PDE3A: variants seen among roughly 807,000 people sequenced by gnomAD.
PDE3A encodes the protein phosphodiesterase 3A.
In PDE3A, 43 loss-of-function variants were observed where a neutral mutation model predicts 98.3. The ratio of observed to expected loss-of-function variants is 0.44; its 90% confidence interval spans 0.34 to 0.56. PDE3A has a LOEUF of 0.56. Ranked by LOEUF, PDE3A falls within the 20% of genes least tolerant of loss-of-function variation. The pLI, the probability that PDE3A is intolerant of heterozygous loss-of-function variation, is 0.01. For synonymous variants in PDE3A, 663 were observed against 567.9 expected (o/e 1.17, Z -2.38); for missense variants, 1,427 against 1,440.7 (o/e 0.99, Z 0.15).
rs557464057 is a variant in PDE3A, at chr12:20,670,541, A to T, written c.3185-9489A>T. Among the ~76,000 whole-genome samples, 335 of 152,320 alleles carry T rather than the reference A, an allele frequency of 2.2e-3. 1 individual carries two copies. Among genetic ancestry groups the T allele is most frequent in the African/African-American group, 7.5e-3 (313 of 41,558 alleles). On this transcript the variant is annotated intron_variant, in intron 15 of 15. Coordinates refer to ENST00000359062, the MANE Select transcript of PDE3A (RefSeq NM_000921.5). ...ATCCAGCTAGAACTCAGGATTAAGA[A>T]TCTCACTCAAAACTGCTCAACTGCA...
chr12:20,651,434 A>G (rs991833227), intron 14 of PDE3A, among the ~76,000 whole-genome samples: 2 of 152,244 alleles, frequency 1.3e-5, no homozygotes, highest in Non-Finnish European at 2.9e-5. Context: ...AAAGAGTGAC[A>G]TACTAATTTA....
At chr12:20,479,733 G>T (rs538229777) in intron 1 of PDE3A, among the ~76,000 whole-genome samples, 1 of 152,182 alleles carries the variant, frequency 6.6e-6, no homozygotes, top group African/African-American at 2.4e-5. Context: ...TGGGCAAGAG[G>T]CTTCTGCAGC....
chr12:20,435,257 A>G (rs1944760777), intron 1 of PDE3A, among the ~76,000 whole-genome samples: 1 of 152,146 alleles, frequency 6.6e-6, no homozygotes, highest in African/African-American at 2.4e-5. Context: ...CATTACTAAC[A>G]TCAGTTATCT....
At chr12:20,570,438 A>AAAT (rs869268302) in intron 2 of PDE3A, among the ~76,000 whole-genome samples, 1 of 138,594 alleles carries the variant, frequency 7.2e-6, no homozygotes, top group Non-Finnish European at 1.6e-5. Context: ...AAAAAAAAAA[A>AAAT]GGTGTAAAGG....
intron 1 of PDE3A, among the ~76,000 whole-genome samples, chr12:20,455,992 T>C (rs1945145456): frequency 6.6e-6 from 1 of 152,114 alleles, no homozygotes; most frequent in African/African-American, 2.4e-5. Flanking sequence ...ATAGATGGTA[T>C]TTTTCCTTAA....
At chr12:20,380,944 G>A (rs993746823) in intron 1 of PDE3A, among the ~76,000 whole-genome samples, 18 of 151,822 alleles carry the variant, frequency 1.2e-4, no homozygotes, top group African/African-American at 4.3e-4. Flanking sequence ...TTGAGACAAG[G>A]AGCTAACTGT....
At chr12:20,499,846 C>T (rs147565662) in intron 1 of PDE3A, among the ~76,000 whole-genome samples, 3,060 of 152,214 alleles carry the variant, frequency 0.02, 61 homozygotes, top group Middle Eastern at 0.13. Flanking sequence ...TGAGTGGTAA[C>T]GAAGGTCAAA....
chr12:20,423,476 C>G (rs1280950545), intron 1 of PDE3A, among the ~76,000 whole-genome samples: 1 of 152,138 alleles, frequency 6.6e-6, no homozygotes, highest in African/African-American at 2.4e-5. Context: ...TAACAGTACA[C>G]TTTTTATAAT....
At chr12:20,673,860 TA>T (rs138273599) in intron 15 of PDE3A, among the ~76,000 whole-genome samples, 103,563 of 151,258 alleles carry the variant, frequency 0.68, 35,593 homozygotes, top group East Asian at 0.79. Context: ...AAAATAAAAA[TA>T]AAAAAAATAA....
intron 2 of PDE3A, among the ~76,000 whole-genome samples, chr12:20,590,136 G>A (rs1237918557): frequency 2.6e-5 from 4 of 151,918 alleles, no homozygotes; most frequent in African/African-American, 4.8e-5. Flanking sequence ...TTACTATCCC[G>A]TGCTCCAAAT....
chr12:20,582,441 G>A (rs925907183), intron 2 of PDE3A, among the ~76,000 whole-genome samples: 1 of 152,046 alleles, frequency 6.6e-6, no homozygotes, highest in Non-Finnish European at 1.5e-5. Flanking sequence ...TGGCCTGCCC[G>A]CCTCAGCCTT....
At chr12:20,532,765 T>TGCAA (rs1941640002) in intron 1 of PDE3A, among the ~76,000 whole-genome samples, 1 of 149,486 alleles carries the variant, frequency 6.7e-6, no homozygotes, top group African/African-American at 2.5e-5. Flanking sequence ...CTCGGCTCAC[T>TGCAA]GCAAGCTCCG....
chr12:20,379,020 G>C (rs1372579460), intron 1 of PDE3A, among the ~76,000 whole-genome samples: 2 of 151,670 alleles, frequency 1.3e-5, no homozygotes, highest in Non-Finnish European at 3.0e-5. Flanking sequence ...GGTTTAATAG[G>C]ATTTTAGTAA....
chr12:20,451,562 C>T (rs902404018), intron 1 of PDE3A, among the ~76,000 whole-genome samples: 1 of 152,184 alleles, frequency 6.6e-6, no homozygotes, highest in African/African-American at 2.4e-5. Context: ...CCGCCTCAGC[C>T]TCCCAAACTG....
intron 1 of PDE3A, among the ~76,000 whole-genome samples, chr12:20,514,477 A>G (rs1369881694): frequency 2.0e-5 from 3 of 152,232 alleles, no homozygotes; most frequent in Non-Finnish European, 4.4e-5. Context: ...AAATATATGC[A>G]ATGGCAGTAA....
chr12:20,601,159 C>T (rs796667823), intron 2 of PDE3A, among the ~76,000 whole-genome samples: 12 of 152,248 alleles, frequency 7.9e-5, no homozygotes, highest in Admixed American at 1.3e-4. Context: ...GCTATTGCAA[C>T]GAGGATCTAT....
Position 20,616,352 on chromosome 12 carries a change from C to G in PDE3A, c.1392C>G (p.Thr464=). The G allele has an allele frequency of 6.2e-7, 1 of 1,613,426 alleles. No homozygotes were observed. Among genetic ancestry groups the G allele is most frequent in the Non-Finnish European group, 8.5e-7 (1 of 1,179,564 alleles). The change falls in exon 4 of 16, where the codon ACC becomes ACG. Residue 464 remains threonine (T), a synonymous_variant. Transcript: ENST00000359062. The part of the protein sequence containing the change: ...EPAPVRRDRS[T]SIKLQEAPSS... ...CACCAGTACGGAGAGACCGCAGCAC[C>G]AGCATCAAACTGCAGGAAGCACCTT...
At chr12:20,601,066 C>T (rs1007350783) in intron 2 of PDE3A, among the ~76,000 whole-genome samples, 1 of 152,166 alleles carries the variant, frequency 6.6e-6, no homozygotes, top group African/African-American at 2.4e-5. Context: ...TGCCCTTGTC[C>T]TTGCACAACT....
rs111498112 is a variant in PDE3A at position 20,484,424 on chromosome 12, G to A, written c.961-72236G>A. On this transcript the variant is annotated intron_variant, in intron 1 of 15. Transcript: ENST00000359062. ...ATAATCAGTGTTCCCCCAAATCAAC[G>A]TATCTCTCTTGTACAATTTCTCATC... is the stretch of plus-strand genomic sequence containing the variant. Among the ~76,000 whole-genome samples the A allele has an allele frequency of 3.5e-3, 539 of 152,186 alleles. 5 individuals carry two copies. Among genetic ancestry groups the A allele is most frequent in the African/African-American group, 0.012 (483 of 41,530 alleles).
Sources: allele counts gnomAD v4.1 joint callset (sites outside exome capture counted in the v4.1 genomes callset), GRCh38; gene constraint gnomAD v4.1.1; transcripts MANE v1.5; gene names NCBI Gene and HGNC (gene_info 2026-07-23, HGNC 2026-07-21).